Variants in ROBO1 observed in about 807,000 individuals in gnomAD.
ROBO1 encodes roundabout guidance receptor 1.
Under a neutral mutation model 195.9 loss-of-function variants are expected in ROBO1, and 149 were observed. The observed-to-expected ratio is 0.76, with a 90% CI of 0.67 to 0.87. The LOEUF is 0.87. Ranked by LOEUF, ROBO1 falls within the 40% of genes least tolerant of loss-of-function variation. ROBO1 has a pLI of 0.00. For missense variants in ROBO1, 1,933 were observed against 2,068.3 expected (o/e 0.93, Z 1.27); for synonymous variants, 816 against 733.2 (o/e 1.11, Z -1.82).
intron 2 of ROBO1, among the ~76,000 whole-genome samples, chr3:79,481,065 C>G (rs1938827075): frequency 6.6e-6 from 1 of 151,942 alleles, no homozygotes. Context: ...TATATTCTTG[C>G]TTGCTACTAA....
At chr3:78,640,007 T>G in intron 21 of ROBO1, 109 bp from the exon 22 acceptor site, 8 of 882,944 alleles carry the variant, frequency 9.1e-6, no homozygotes, top group Non-Finnish European at 1.3e-5. Flanking sequence ...AATCATCTGA[T>G]GAACTATGCT....
At chr3:79,502,618 G>A (rs1035554851) in intron 2 of ROBO1, among the ~76,000 whole-genome samples, 1 of 152,136 alleles carries the variant, frequency 6.6e-6, no homozygotes, top group African/African-American at 2.4e-5. Context: ...CGCACAGCGC[G>A]GGACTGGCGG....
At chr3:79,728,862 G>T (rs1357218513) in intron 1 of ROBO1, among the ~76,000 whole-genome samples, 1 of 152,010 alleles carries the variant, frequency 6.6e-6, no homozygotes. Context: ...AGTTTGGCAT[G>T]ATTACCTTTT....
chr3:79,227,959 T>C (rs1319364166), intron 2 of ROBO1, among the ~76,000 whole-genome samples: 1 of 152,176 alleles, frequency 6.6e-6, no homozygotes. Context: ...TCTTAACAGA[T>C]TGTTCTATTT....
chr3:79,235,207 A>G (rs112480723), intron 2 of ROBO1, among the ~76,000 whole-genome samples: 35 of 152,162 alleles, frequency 2.3e-4, no homozygotes, highest in African/African-American at 7.2e-4. Flanking sequence ...TAATGTTTCA[A>G]ATTTATAAAA....
In ROBO1 at chr3:78,597,424, A is replaced by G. The variant is rs1702886600; in HGVS notation, c.*1489T>C. The G allele has an allele frequency of 6.6e-6, 1 of 152,536 alleles. No individual in the cohort carries two copies. The highest frequency in any genetic ancestry group is 2.4e-5 in the African/African-American group (1 of 41,432). The allele number at this position is 152,536 out of a possible 1,614,324, so 9.4% of individuals were successfully genotyped here. Reference sequence around the variant, plus strand: ...CTATGGAACTTTTTCAAATTATCTAAATGAACAAGTTTGGTTTTGGTGAAC... The same window carrying G: ...CTATGGAACTTTTTCAAATTATCTAGATGAACAAGTTTGGTTTTGGTGAAC... On this transcript the variant is annotated 3_prime_UTR_variant, in exon 31 of 31. Transcript: ENST00000464233.
At chr3:79,691,325 A>G (rs575752416) in intron 1 of ROBO1, among the ~76,000 whole-genome samples, 1 of 151,990 alleles carries the variant, frequency 6.6e-6, no homozygotes, top group South Asian at 2.1e-4. Flanking sequence ...AAAGAAGAAA[A>G]AGCAAGAAGA....
At position 78,638,528 on chromosome 3, in the gene ROBO1, C is replaced by T. The variant is rs565300319; in HGVS notation, c.3037+1216G>A. Among the ~76,000 whole-genome samples, 37 of 151,850 alleles carry T rather than the reference C, an allele frequency of 2.4e-4. No individual in the cohort carries two copies. In the South Asian group the frequency reaches 6.7e-3, roughly 27 times the overall value. ...TTTACCTTTTGATCTGTGTTACTCC[C>T]AAAATCTCAAAAATGATTAAATATG... is the stretch of plus-strand genomic sequence containing the variant. On this transcript the variant is annotated intron_variant, in intron 22 of 30. Coordinates refer to ENST00000464233, the MANE Select transcript of ROBO1 (RefSeq NM_002941.4).
intron 3 of ROBO1, among the ~76,000 whole-genome samples, chr3:78,972,981 A>G (rs2107926886): frequency 6.6e-6 from 1 of 152,336 alleles, no homozygotes; most frequent in East Asian, 1.9e-4. Context: ...AGAAAAATAA[A>G]ACAACCACAC....
At chr3:79,750,051 A>ATG (rs1246949441) in intron 1 of ROBO1, among the ~76,000 whole-genome samples, 1 of 152,224 alleles carries the variant, frequency 6.6e-6, no homozygotes, top group Non-Finnish European at 1.5e-5. Flanking sequence ...GGGAGGCTGT[A>ATG]CCCTGCAAAG....
At chr3:79,096,730 G>GTGTATATATACATATATAAATATA (rs2079575670) in intron 3 of ROBO1, among the ~76,000 whole-genome samples, 10 of 150,228 alleles carry the variant, frequency 6.7e-5, no homozygotes, top group Non-Finnish European at 1.3e-4. Flanking sequence ...ATATAAATAT[G>GTGTATATATACATATATAAATATA]TATATATGTG....
chr3:79,373,225 A>C (rs1173930791), intron 2 of ROBO1, among the ~76,000 whole-genome samples: 1 of 152,216 alleles, frequency 6.6e-6, no homozygotes, highest in African/African-American at 2.4e-5. Context: ...AATGATGTCT[A>C]CTTAAATGTA....
chr3:79,127,271 T>C (rs568713297), intron 2 of ROBO1, among the ~76,000 whole-genome samples: 3 of 152,280 alleles, frequency 2.0e-5, no homozygotes, highest in East Asian at 3.9e-4. Context: ...TGAGGCAGTG[T>C]TCACAATGTT....
chr3:79,040,544 T>A (rs1367237629), intron 3 of ROBO1, among the ~76,000 whole-genome samples: 1 of 152,092 alleles, frequency 6.6e-6, no homozygotes, highest in Non-Finnish European at 1.5e-5. Flanking sequence ...AAAACACAAC[T>A]CGTATTTTTG....
At chr3:78,752,181 G>A (rs1425839672) in intron 4 of ROBO1, among the ~76,000 whole-genome samples, 1 of 127,678 alleles carries the variant, frequency 7.8e-6, no homozygotes, top group Non-Finnish European at 1.7e-5. Context: ...TCATAGTACA[G>A]AAAATATTAC....
intron 29 of ROBO1, among the ~76,000 whole-genome samples, chr3:78,604,286 G>T: frequency 6.6e-6 from 1 of 151,996 alleles, no homozygotes; most frequent in Non-Finnish European, 1.5e-5. Flanking sequence ...GGCCAGGCTG[G>T]TCTCAAACTC....
At chr3:79,238,217 T>C (rs79701221) in intron 2 of ROBO1, among the ~76,000 whole-genome samples, 4,548 of 152,326 alleles carry the variant, frequency 0.03, 192 homozygotes, top group African/African-American at 0.099. Flanking sequence ...TAGCAATTTC[T>C]GAACTGAGCA....
At chr3:79,685,047 T>C (rs964630561) in intron 1 of ROBO1, among the ~76,000 whole-genome samples, 4 of 152,140 alleles carry the variant, frequency 2.6e-5, no homozygotes, top group African/African-American at 7.2e-5. Flanking sequence ...GTTGCTCTTT[T>C]TTATTGTTTT....
intron 2 of ROBO1, among the ~76,000 whole-genome samples, chr3:79,561,321 C>G (rs550055124): frequency 6.6e-6 from 1 of 152,128 alleles, no homozygotes; most frequent in Admixed American, 6.6e-5. Flanking sequence ...GTTAAGATAA[C>G]GCTGGGAGTA....
Sources: gnomAD v4.1 joint callset for allele counts (sites outside exome capture counted in the v4.1 genomes callset) on GRCh38, gnomAD v4.1.1 for gene constraint, MANE v1.5 for transcripts, NCBI Gene and HGNC (gene_info 2026-07-23, HGNC 2026-07-21) for gene names.